RAD51C: variants seen among roughly 807,000 people sequenced by gnomAD.
The protein encoded by RAD51C is RAD51 paralog C.
A neutral mutation model predicts 45.0 loss-of-function variants in RAD51C; 42 were observed. That is an observed-to-expected ratio of 0.93 (90% CI 0.73 to 1.21). The LOEUF (loss-of-function observed/expected upper bound fraction) is 1.21, where lower values mean the gene tolerates loss of function less well. RAD51C is among the 50% of genes most tolerant of loss of function. RAD51C has a pLI of 0.00. For missense variants in RAD51C, 474 were observed against 452.2 expected (o/e 1.05, Z -0.44); for synonymous variants, 172 against 159.8 (o/e 1.08, Z -0.58).
At position 58,735,097 on chromosome 17, in the gene RAD51C, T is replaced by C. The variant is rs1009485271; in HGVS notation, c.*875T>C. The C allele has an allele frequency of 1.3e-5, 2 of 152,178 alleles. No homozygotes were observed. The highest frequency in any genetic ancestry group is 4.8e-5 in the African/African-American group (2 of 41,454). The allele number at this position is 152,178 out of a possible 1,614,324, so 9.4% of individuals were successfully genotyped here. On this transcript the variant is annotated 3_prime_UTR_variant, in exon 9 of 9. Transcript: ENST00000337432. Reference sequence around the variant, plus strand: ...TTTAGCTTTTAATGACATTTTATAATGTTAAAGGGAGGACTTTGGAGCTGT... The same window carrying C: ...TTTAGCTTTTAATGACATTTTATAACGTTAAAGGGAGGACTTTGGAGCTGT...
At chr17:58,717,458 G>A (rs988095613) in intron 5 of RAD51C, among the ~76,000 whole-genome samples, 2 of 151,830 alleles carry the variant, frequency 1.3e-5, no homozygotes, top group Non-Finnish European at 2.9e-5. Flanking sequence ...AAAGCTGCCG[G>A]CCGGGTGTGG....
intron 4 of RAD51C, among the ~76,000 whole-genome samples, chr17:58,704,146 G>A (rs1341521427): frequency 2.0e-5 from 3 of 151,878 alleles, no homozygotes; most frequent in African/African-American, 7.3e-5. Flanking sequence ...TCCAGTCTTA[G>A]CAAAGAATCC....
rs1367536740 is a variant in RAD51C, at chr17:58,692,773, T to G, written c.130T>G (p.Ser44Ala). Residue 44 changes from serine (S) to alanine (A), a missense_variant, in exon 1 of 9, where the codon TCC becomes GCC. Transcript: ENST00000337432. ...TAEELLEVKP[S>A]ELSKEVGISK... is the part of the protein sequence containing the mutation. ...TGAGGAACTCCTAGAGGTGAAACCC[T>G]CCGAGCTTAGCAAAGGTAACGACTC... 1 of 1,614,202 alleles carries G rather than the reference T, an allele frequency of 6.2e-7. No homozygotes were observed. Among genetic ancestry groups the G allele is most frequent in the Admixed American group, 1.7e-5 (1 of 60,030 alleles).
chr17:58,711,707 G>A (rs1483522318), intron 5 of RAD51C, among the ~76,000 whole-genome samples: 3 of 151,602 alleles, frequency 2.0e-5, no homozygotes, highest in Non-Finnish European at 2.9e-5. Context: ...GGGCTCAAGC[G>A]ATCATCTGCC....
chr17:58,710,318 A>G (rs958699051), intron 5 of RAD51C, among the ~76,000 whole-genome samples: 2 of 65,106 alleles, frequency 3.1e-5, no homozygotes, highest in East Asian at 4.7e-4. Flanking sequence ...TGTCTCTACT[A>G]AAAAAAAAAA....
chr17:58,708,535 A>G (rs1199527264), intron 4 of RAD51C, among the ~76,000 whole-genome samples: 1 of 152,186 alleles, frequency 6.6e-6, no homozygotes, highest in Non-Finnish European at 1.5e-5. Context: ...GCATTGCTTC[A>G]TAAAAGCCTC....
intron 7 of RAD51C, among the ~76,000 whole-genome samples, chr17:58,725,043 T>C (rs1396278632): frequency 6.6e-6 from 1 of 152,208 alleles, no homozygotes; most frequent in Non-Finnish European, 1.5e-5. Flanking sequence ...CACTTCTGTA[T>C]ATATCTTTTG....
At chr17:58,720,061 A>G (rs1006625895) in intron 5 of RAD51C, among the ~76,000 whole-genome samples, 5 of 149,590 alleles carry the variant, frequency 3.3e-5, no homozygotes, top group Non-Finnish European at 7.4e-5. Context: ...AAAATTTTTT[A>G]TCAGAAAAAT....
Position 58,720,654 on chromosome 17 carries a change from G to A in RAD51C, c.838-92G>A, listed in dbSNP as rs2048886054. Reference sequence around the variant, plus strand: ...TGTCTGGTTAATTTTTGTATTTTTAGTAGAGATGGGGTTTCACAATCTTGG... The same window carrying A: ...TGTCTGGTTAATTTTTGTATTTTTAATAGAGATGGGGTTTCACAATCTTGG... On this transcript the variant is annotated intron_variant, in intron 5 of 8. Transcript: ENST00000337432. 1.7e-5 allele frequency: 16 copies of A among 930,114 alleles called. No homozygotes were observed. The South Asian group carries it at 2.0e-4, about 12-fold the overall frequency. 57.6% of individuals were successfully genotyped at this position (930,114 alleles called of 1,614,324 possible). A position where few individuals can be genotyped will look rare whatever the true frequency, so the allele number is the denominator to read the frequency against.
chr17:58,734,231 CA>C lies in RAD51C; in HGVS notation c.*12del, dbSNP rs781286948. On this transcript the variant is annotated 3_prime_UTR_variant, in exon 9 of 9. Coordinates refer to ENST00000337432, the MANE Select transcript of RAD51C (RefSeq NM_058216.3). ...CAGAGGAAGAATTATAACCCAGAAA[CA>C]AATCTCAAAGTGTACAAATTTATTG... 4 of 1,607,150 alleles carry C rather than the reference CA, an allele frequency of 2.5e-6. No individual in the cohort carries two copies. Among genetic ancestry groups the C allele is most frequent in the East Asian group, 2.2e-5 (1 of 44,824 alleles).
rs138216366 is a variant in RAD51C, at chr17:58,715,506, A to ACCCTCC, written c.838-5236_838-5231dup. On this transcript the variant is annotated intron_variant, in intron 5 of 8. Coordinates refer to ENST00000337432, the MANE Select transcript of RAD51C (RefSeq NM_058216.3). ...TTCATTAGCTGTCATTCTCTATTCTACCCTCCCCCAGTCCCTCACAACCAC... is the reference window on the plus strand; with the variant it reads ...TTCATTAGCTGTCATTCTCTATTCTACCCTCCCCCTCCCCCAGTCCCTCACAACCAC... Among the ~76,000 whole-genome samples the ACCCTCC allele has an allele frequency of 8.1e-5, 12 of 148,532 alleles. No individual in the cohort carries two copies. In the East Asian group the frequency reaches 2.4e-3, roughly 29 times the overall value.
At chr17:58,711,845 C>T (rs2048567593) in intron 5 of RAD51C, among the ~76,000 whole-genome samples, 1 of 151,972 alleles carries the variant, frequency 6.6e-6, no homozygotes, top group South Asian at 2.1e-4. Flanking sequence ...AATTTCTTTG[C>T]TTGAAGGTTT....
At chr17:58,726,529 T>C (rs2049143791) in intron 7 of RAD51C, among the ~76,000 whole-genome samples, 1 of 120,330 alleles carries the variant, frequency 8.3e-6, no homozygotes. Context: ...TATATACATA[T>C]GTATATATGT....
chr17:58,729,201 G>A (rs2049298424), intron 7 of RAD51C, among the ~76,000 whole-genome samples: 1 of 152,072 alleles, frequency 6.6e-6, no homozygotes, highest in Non-Finnish European at 1.5e-5. Flanking sequence ...AGAAATTTGA[G>A]GATGATTTTT....
chr17:58,718,973 G>A (rs551724634), intron 5 of RAD51C, among the ~76,000 whole-genome samples: 2 of 152,154 alleles, frequency 1.3e-5, no homozygotes, highest in South Asian at 2.1e-4. Context: ...TTATAATCCC[G>A]GCCCTTTGGG....
At chr17:58,707,789 A>T (rs536940274) in intron 4 of RAD51C, among the ~76,000 whole-genome samples, 7 of 152,118 alleles carry the variant, frequency 4.6e-5, no homozygotes, top group Admixed American at 4.6e-4. Context: ...ATTTTCTTAC[A>T]GTTCTGGAGA....
intron 5 of RAD51C, among the ~76,000 whole-genome samples, chr17:58,716,157 C>T (rs1852641406): frequency 6.7e-6 from 1 of 150,064 alleles, no homozygotes; most frequent in African/African-American, 2.4e-5. Context: ...TAATCACATA[C>T]TAATTTTCAG....
At position 58,720,730 on chromosome 17, in the gene RAD51C, C is replaced by T. The variant is rs374620446; in HGVS notation, c.838-16C>T. ...CAAAGAGACTCACCTAATTTTCTTA[C>T]ATTTTGTTTTTGTAGGTAATTTTAA... On this transcript the variant is annotated splice_polypyrimidine_tract_variant and intron_variant, in intron 5 of 8. Coordinates refer to ENST00000337432, the MANE Select transcript of RAD51C (RefSeq NM_058216.3). 6.3e-7 allele frequency: 1 copy of T among 1,592,612 alleles called. No homozygotes were observed. The highest frequency in any genetic ancestry group is 8.6e-7 in the Non-Finnish European group (1 of 1,161,378).
At chr17:58,727,888 A>G (rs866456485) in intron 7 of RAD51C, among the ~76,000 whole-genome samples, 4 of 151,608 alleles carry the variant, frequency 2.6e-5, no homozygotes, top group Admixed American at 6.6e-5. Flanking sequence ...TGATTGAGCT[A>G]TTATACTTCA....
Sources: gnomAD v4.1 joint callset for allele counts (sites outside exome capture counted in the v4.1 genomes callset) on GRCh38, gnomAD v4.1.1 for gene constraint, MANE v1.5 for transcripts, NCBI Gene and HGNC (gene_info 2026-07-23, HGNC 2026-07-21) for gene names.